The following ASB2 variants were observed in gnomAD, a reference collection of about 807,000 sequenced individuals.
ASB2 encodes the protein ankyrin repeat and SOCS box protein 2.
A neutral mutation model predicts 62.4 loss-of-function variants in ASB2; 58 were observed. The ratio of observed to expected loss-of-function variants is 0.93; its 90% CI spans 0.75 to 1.16. The LOEUF (loss-of-function observed/expected upper bound fraction) is 1.16. Ranked by LOEUF, ASB2 falls within the 50% of genes most tolerant of loss-of-function variation. The probability of loss-of-function intolerance (pLI) is 0.00; values close to 1 mark genes in which losing one functional copy is unlikely to be tolerated. For missense variants in ASB2, 928 were observed against 887.9 expected, an observed-to-expected ratio of 1.05 and a Z score of -0.57; for synonymous variants, 386 against 385.3, an observed-to-expected ratio of 1.00 and a Z score of -0.02.
chr14:93,970,773 C>T (rs1480027519), intron 1 of ASB2, among the ~76,000 whole-genome samples: 1 of 152,146 alleles, frequency 6.6e-6, no homozygotes, highest in Non-Finnish European at 1.5e-5. Context: ...AGCTCTGCCA[C>T]CTCCTGGCCA....
intron 2 of ASB2, chr14:93,957,268 C>G: frequency 8.7e-7 from 1 of 1,153,812 alleles, no homozygotes; most frequent in African/African-American, 1.6e-5. Context: ...GCTGGCCAGG[C>G]AGATCCCTGC....
chr14:93,941,971 G>A (rs1182487195), intron 7 of ASB2, among the ~76,000 whole-genome samples: 1 of 152,258 alleles, frequency 6.6e-6, no homozygotes, highest in Non-Finnish European at 1.5e-5. Context: ...GGGGAACAGA[G>A]TGAGGTTGGA....
At chr14:93,967,695 T>C (rs1044742034) in intron 1 of ASB2, among the ~76,000 whole-genome samples, 1 of 152,282 alleles carries the variant, frequency 6.6e-6, no homozygotes, top group East Asian at 1.9e-4. Context: ...CAGCGAGACG[T>C]TTGGTTTGGC....
intron 1 of ASB2, among the ~76,000 whole-genome samples, chr14:93,972,085 T>C (rs970474711): frequency 1.3e-5 from 2 of 150,346 alleles, no homozygotes; most frequent in African/African-American, 4.9e-5. Context: ...ATACATACTT[T>C]CTATAAATCT....
chr14:93,938,681 G>A (rs1159881343), intron 8 of ASB2, among the ~76,000 whole-genome samples: 2 of 152,074 alleles, frequency 1.3e-5, no homozygotes, highest in Non-Finnish European at 2.9e-5. Context: ...TCCAGGTGTA[G>A]GTTTGCTGGA....
Position 93,943,367 on chromosome 14 carries a change from G to A in ASB2, c.1053-3695C>T, listed in dbSNP as rs183926053. ...TCAATGTAAATTTGGATGGAGGGCC[G>A]GGCGCGGTGGCTCACGCCTGTAATC... is the stretch of plus-strand genomic sequence containing the variant. On this transcript the variant is annotated intron_variant, in intron 7 of 9. Coordinates refer to ENST00000555019, the MANE Select transcript of ASB2 (RefSeq NM_001202429.2). Among the ~76,000 whole-genome samples, 34 of 152,316 alleles carry A rather than the reference G, an allele frequency of 2.2e-4. No homozygotes were observed. In the East Asian group the frequency reaches 5.4e-3, roughly 24 times the overall value.
At chr14:93,936,120 A>C (rs1254813987) in intron 9 of ASB2, among the ~76,000 whole-genome samples, 6 of 152,222 alleles carry the variant, frequency 3.9e-5, no homozygotes, top group Non-Finnish European at 5.9e-5. Context: ...GCTGCTGGTG[A>C]GCAGAGGACA....
chr14:93,940,915 A>T (rs1888493966), intron 7 of ASB2, among the ~76,000 whole-genome samples: 1 of 152,242 alleles, frequency 6.6e-6, no homozygotes, highest in African/African-American at 2.4e-5. Flanking sequence ...GAACCCAGGC[A>T]GTCTGACCCC....
intron 1 of ASB2, among the ~76,000 whole-genome samples, chr14:93,968,918 T>A: frequency 6.6e-6 from 1 of 152,184 alleles, no homozygotes; most frequent in East Asian, 1.9e-4. Context: ...GCACAGCTGT[T>A]ATGGAGTTTA....
At chr14:93,972,720 AG>A (rs1479913857) in intron 1 of ASB2, among the ~76,000 whole-genome samples, 1 of 152,174 alleles carries the variant, frequency 6.6e-6, no homozygotes, top group East Asian at 1.9e-4. Context: ...TTGGTAAGGA[AG>A]GGGGGATGGA....
chr14:93,968,543 C>T (rs1395754852), intron 1 of ASB2, among the ~76,000 whole-genome samples: 1 of 152,210 alleles, frequency 6.6e-6, no homozygotes, highest in African/African-American at 2.4e-5. Flanking sequence ...GCAACTGACA[C>T]ACACATGGGT....
intron 2 of ASB2, among the ~76,000 whole-genome samples, chr14:93,963,470 C>T (rs1028988734): frequency 6.6e-6 from 1 of 152,176 alleles, no homozygotes; most frequent in African/African-American, 2.4e-5. Context: ...TCAATCACCG[C>T]TCTGCTTAAT....
chr14:93,946,566 G>A (rs186163812), intron 7 of ASB2, among the ~76,000 whole-genome samples: 176 of 152,276 alleles, frequency 1.2e-3, no homozygotes, highest in African/African-American at 4.0e-3. Flanking sequence ...GTGTGCAGTC[G>A]GTTCCTGAGA....
intron 2 of ASB2, chr14:93,957,511 T>G: frequency 1.9e-6 from 1 of 514,528 alleles, no homozygotes; most frequent in Non-Finnish European, 2.5e-6. Context: ...GCTCTGGCAC[T>G]CCTTGGCTGT....
rs78251345 is a variant in ASB2, at chr14:93,935,240, G to T, written c.1772-448C>A. On this transcript the variant is annotated intron_variant, in intron 9 of 9. Coordinates refer to ENST00000555019, the MANE Select transcript of ASB2 (RefSeq NM_001202429.2). ...AATTCAACTTGGAGCTCCCAGTGGT[G>T]CTGAGAGGCCAGGATAAGGGGGCAG... 7.9e-3 allele frequency among the ~76,000 whole-genome samples: 1,206 copies of T among 152,284 alleles called. 21 individuals are homozygous for T. The highest frequency in any genetic ancestry group is 0.027 in the African/African-American group (1,142 of 41,538).
chr14:93,939,104 C>T lies in ASB2; in HGVS notation c.1617+4G>A, dbSNP rs776225083. 12 of 1,472,188 alleles carry T rather than the reference C, an allele frequency of 8.2e-6. No individual in the cohort carries two copies. Among genetic ancestry groups the T allele is most frequent in the Middle Eastern group, 4.5e-4 (2 of 4,434 alleles). 91.2% of individuals were successfully genotyped at this position (1,472,188 alleles called of 1,614,324 possible). A position where few individuals can be genotyped will look rare whatever the true frequency, so the allele number is the denominator to read the frequency against. On this transcript the variant is annotated splice_donor_region_variant and intron_variant, in intron 8 of 9. Transcript: ENST00000555019. The stretch of plus-strand genomic sequence containing the variant: ...GCTCCCCACCGCCAGCGTGCGCTGC[C>T]CACCTGCACCACGCTGGGCTCCTTG...
rs1333165943 is a variant in ASB2 at position 93,956,997 on chromosome 14, CT to C, written c.207-128del. On this transcript the variant is annotated intron_variant, in intron 2 of 9. Transcript: ENST00000555019. ...GAGACTGACTGACAGACACAGGGCT[CT>C]GAACCAAAGCAGATGGCCGGGTCCT... 2.6e-6 allele frequency: 4 copies of C among 1,546,434 alleles called. No homozygotes were observed. In the East Asian group the frequency reaches 9.4e-5, roughly 36 times the overall value.
chr14:93,971,704 C>T (rs997174075), intron 1 of ASB2, among the ~76,000 whole-genome samples: 1 of 152,048 alleles, frequency 6.6e-6, no homozygotes, highest in East Asian at 1.9e-4. Context: ...TAGTTTGAAC[C>T]ACATAATAAA....
At position 93,951,058 on chromosome 14, in the gene ASB2, G is replaced by C. The variant is rs1888941377; in HGVS notation, c.821C>G (p.Pro274Arg). ...TCCACTCTGGGCGGCCACGAACAAG[G>C]GGGTGATGCCGTAGGCGTTCTTGGA... is the stretch of plus-strand genomic sequence containing the variant. ...VESKNAYGIT[P>R]LFVAAQSGQL... The change falls in exon 6 of 10, where the codon CCC (proline) becomes CGC (arginine). Residue 274 changes from proline to arginine, a missense_variant. Coordinates refer to ENST00000555019, the MANE Select transcript of ASB2 (RefSeq NM_001202429.2). 11 of 1,614,170 alleles carry C rather than the reference G, an allele frequency of 6.8e-6. No individual in the cohort carries two copies. The highest frequency in any genetic ancestry group is 2.7e-5 in the African/African-American group (2 of 75,046).
Sources: gnomAD v4.1 joint callset for allele counts (sites outside exome capture counted in the v4.1 genomes callset) on GRCh38, gnomAD v4.1.1 for gene constraint, MANE v1.5 for transcripts, NCBI Gene and HGNC (gene_info 2026-07-23, HGNC 2026-07-21) for gene names.